Variants in MYCBP2 observed in about 807,000 individuals in gnomAD.
MYCBP2 encodes E3 ubiquitin-protein ligase MYCBP2.
A neutral mutation model predicts 525.3 loss-of-function variants in MYCBP2; 120 were observed. The observed-to-expected ratio is 0.23, with a 90% CI of 0.20 to 0.27. The LOEUF (loss-of-function observed/expected upper bound fraction) is 0.27, where lower values mean the gene tolerates loss of function less well. Among genes scored for constraint, MYCBP2 ranks in the 10% least tolerant of loss-of-function variants. MYCBP2 has a pLI of 1.00. For missense variants in MYCBP2, 4,149 were observed against 5,657.1 expected (o/e 0.73, Z 8.55); for synonymous variants, 1,894 against 1,955.8 (o/e 0.97, Z 0.83).
At chr13:77,273,054 A>T (rs2075093869) in intron 5 of MYCBP2, among the ~76,000 whole-genome samples, 1 of 152,234 alleles carries the variant, frequency 6.6e-6, no homozygotes. Context: ...TCATAAAAAA[A>T]TCATAATCAA....
chr13:77,326,873 G>A lies in MYCBP2; in HGVS notation c.-98C>T. ...GCCCTTTTCCAACGACGACGGCTCC[G>A]GCGGCGGCCTCTGGCTCCCGCAGCA... On this transcript the variant is annotated 5_prime_UTR_variant, in exon 1 of 83. Transcript: ENST00000544440. This position sits in a 1 kb window ranked among gnomAD's most constrained non-coding sequence, Gnocchi z 4.2. The A allele has an allele frequency of 8.3e-7, 1 of 1,211,932 alleles. No individual in the cohort carries two copies. 75.1% of individuals were successfully genotyped at this position (1,211,932 alleles called of 1,614,324 possible). A position where few individuals can be genotyped will look rare whatever the true frequency, so the allele number is the denominator to read the frequency against.
chr13:77,238,150 G>A (rs2068228668), intron 17 of MYCBP2, among the ~76,000 whole-genome samples: 1 of 146,200 alleles, frequency 6.8e-6, no homozygotes, highest in African/African-American at 2.6e-5. Context: ...GGCTGAGGCA[G>A]AAGAGTGGTG....
At chr13:77,129,123 A>G (rs1229183590) in intron 52 of MYCBP2, 1 of 397,308 alleles carries the variant, frequency 2.5e-6, no homozygotes, top group Non-Finnish European at 4.4e-6. Flanking sequence ...AAATACCTGA[A>G]TAAAATATTA....
At chr13:77,248,581 C>A (rs73223420) in intron 15 of MYCBP2, among the ~76,000 whole-genome samples, 3,393 of 152,156 alleles carry the variant, frequency 0.022, 55 homozygotes, top group Middle Eastern at 0.075. Flanking sequence ...TATCTCACAC[C>A]CATTAGGATG....
intron 17 of MYCBP2, among the ~76,000 whole-genome samples, chr13:77,234,253 G>A (rs188658614): frequency 7.2e-5 from 11 of 151,752 alleles, no homozygotes; most frequent in Admixed American, 1.3e-4. Context: ...CTTCAAATTT[G>A]AAAACACTCT....
intron 17 of MYCBP2, among the ~76,000 whole-genome samples, chr13:77,234,022 A>G (rs2067519060): frequency 6.6e-6 from 1 of 152,002 alleles, no homozygotes; most frequent in Non-Finnish European, 1.5e-5. Flanking sequence ...ACATATATAA[A>G]TACATACCCA....
chr13:77,261,954 T>C (rs866073292), intron 11 of MYCBP2, 99 bp downstream of exon 11: 1 of 914,342 alleles, frequency 1.1e-6, no homozygotes, highest in African/African-American at 1.7e-5. Flanking sequence ...AAAAGATGAT[T>C]CTTCTTAAAC....
chr13:77,203,755 A>C (rs1273706643), intron 26 of MYCBP2, among the ~76,000 whole-genome samples: 1 of 152,166 alleles, frequency 6.6e-6, no homozygotes, highest in African/African-American at 2.4e-5. Context: ...ATCTACAACT[A>C]TCTGATCTTT....
intron 82 of MYCBP2, among the ~76,000 whole-genome samples, chr13:77,046,278 A>C (rs759804490): frequency 9.8e-5 from 15 of 152,330 alleles, no homozygotes; most frequent in Admixed American, 3.9e-4. Context: ...TTTGTCAGAA[A>C]AACACGCTAG....
intron 39 of MYCBP2, among the ~76,000 whole-genome samples, chr13:77,169,284 A>T (rs1010532305): frequency 6.6e-6 from 1 of 151,760 alleles, no homozygotes; most frequent in Non-Finnish European, 1.5e-5. Context: ...TAGTCCCAGC[A>T]ACTCGGGAGG....
chr13:77,122,417 C>T (rs2050881157), intron 54 of MYCBP2, among the ~76,000 whole-genome samples: 2 of 151,908 alleles, frequency 1.3e-5, no homozygotes, highest in African/African-American at 4.8e-5. Flanking sequence ...GTCAATAGTC[C>T]TTGGCCGGTC....
intron 58 of MYCBP2, among the ~76,000 whole-genome samples, chr13:77,093,768 T>C: frequency 6.6e-6 from 1 of 152,188 alleles, no homozygotes; most frequent in East Asian, 1.9e-4. Flanking sequence ...TATTATTTCT[T>C]GCACAGACCA....
At chr13:77,079,011 T>G (rs577195477) in intron 65 of MYCBP2, 122 bp from the exon 66 acceptor site, 1 of 766,256 alleles carries the variant, frequency 1.3e-6, no homozygotes, top group East Asian at 2.6e-5. Context: ...TCCTTCCTGA[T>G]TGACCCCACC....
chr13:77,243,227 A>C, intron 16 of MYCBP2, 67 bp from the exon 17 acceptor site: 1 of 1,198,582 alleles, frequency 8.3e-7, no homozygotes, highest in South Asian at 1.3e-5. Flanking sequence ...TGACAGAACT[A>C]CATAAAATTC....
At chr13:77,152,206 G>A (rs1424792652) in intron 46 of MYCBP2, among the ~76,000 whole-genome samples, 1 of 152,140 alleles carries the variant, frequency 6.6e-6, no homozygotes, top group Non-Finnish European at 1.5e-5. Context: ...GTTCCATTAA[G>A]TGACCACTAT....
In MYCBP2 at chr13:77,164,947, T is replaced by A. The variant is rs563176923; in HGVS notation, c.6459+326A>T. ...GCTGGGTCATGTTGCACAAACTCCA[T>A]CCTCTTCATGTATTAAAAGTAGCAA... On this transcript the variant is annotated intron_variant, in intron 42 of 82. Transcript: ENST00000544440. Among the ~76,000 whole-genome samples, 3 of 152,330 alleles carry A rather than the reference T, an allele frequency of 2.0e-5. No homozygotes were observed. In the South Asian group the frequency reaches 6.2e-4, roughly 32 times the overall value.
At chr13:77,284,873 A>G (rs958586074) in intron 3 of MYCBP2, among the ~76,000 whole-genome samples, 7 of 152,190 alleles carry the variant, frequency 4.6e-5, no homozygotes, top group African/African-American at 1.7e-4. Flanking sequence ...GACAAAACTG[A>G]GGCACGGATG....
At chr13:77,223,187 C>T (rs1480302929) in intron 20 of MYCBP2, among the ~76,000 whole-genome samples, 1 of 152,162 alleles carries the variant, frequency 6.6e-6, no homozygotes, top group African/African-American at 2.4e-5. Flanking sequence ...CGAGGACATT[C>T]GTCCCCTGGG....
rs953986736 is a variant in MYCBP2, at chr13:77,326,119, T to C, written c.302+355A>G. 4.0e-5 allele frequency among the ~76,000 whole-genome samples: 6 copies of C among 151,880 alleles called. No individual in the cohort carries two copies. The highest frequency in any genetic ancestry group is 7.4e-5 in the Non-Finnish European group (5 of 67,988). On this transcript the variant is annotated intron_variant, in intron 1 of 82. Coordinates refer to ENST00000544440, the MANE Select transcript of MYCBP2 (RefSeq NM_015057.5). The surrounding 1 kb of genome is among the most constrained non-coding windows in gnomAD (Gnocchi z 4.2). ...TCGTGTATCATCCTCTTACCCTCTC[T>C]ACCCATGCCACCTCCTACCTCAACG...
Sources: gnomAD v4.1 joint callset for allele counts (sites outside exome capture counted in the v4.1 genomes callset) on GRCh38, gnomAD v4.1.1 for gene constraint, Gnocchi (gnomAD v3.1) non-coding constraint, MANE v1.5 for transcripts, NCBI Gene and HGNC (gene_info 2026-07-23, HGNC 2026-07-21) for gene names.